JAM3: variants seen among roughly 807,000 people sequenced by gnomAD.
JAM3 encodes junctional adhesion molecule C.
A neutral mutation model predicts 39.4 loss-of-function variants in JAM3; 31 were observed. That is an observed-to-expected ratio of 0.79 (90% CI 0.59 to 1.06). The LOEUF is 1.06. Ranked by LOEUF, JAM3 falls within the 50% of genes least tolerant of loss-of-function variation. The pLI, the probability that JAM3 is intolerant of heterozygous loss-of-function variation, is 0.00. For synonymous variants in JAM3, 182 were observed against 148.7 expected, an observed-to-expected ratio of 1.22 and a Z score of -1.63; for missense variants, 455 against 391.4, an observed-to-expected ratio of 1.16 and a Z score of -1.37.
intron 8 of JAM3, 151 bp from the exon 9 acceptor site, chr11:134,148,995 C>G: frequency 1.0e-6 from 1 of 976,950 alleles, no homozygotes; most frequent in East Asian, 2.5e-5. Context: ...CACACACACA[C>G]TAATGGGATT....
intron 1 of JAM3, among the ~76,000 whole-genome samples, chr11:134,085,641 T>C (rs1941735812): frequency 6.6e-6 from 1 of 152,216 alleles, no homozygotes; most frequent in Admixed American, 6.5e-5. Context: ...AATCATATCA[T>C]TTGTTGTTGT....
Position 134,140,652 on chromosome 11 carries a change from G to C in JAM3, c.143-5G>C, listed in dbSNP as rs762090062. 99 of 1,610,664 alleles carry C rather than the reference G, an allele frequency of 6.1e-5. No individual in the cohort carries two copies. The highest frequency in any genetic ancestry group is 3.3e-4 in the Middle Eastern group (2 of 6,070). On this transcript the variant is annotated splice_region_variant and splice_polypyrimidine_tract_variant and intron_variant, in intron 2 of 8. Coordinates refer to ENST00000299106, the MANE Select transcript of JAM3 (RefSeq NM_032801.5). ...CGAGAGCTCTTTTTCTTCTTTGCGTGTTAGGTGTGGAACTGTCTTGCATCA... is the reference window on the plus strand; with the variant it reads ...CGAGAGCTCTTTTTCTTCTTTGCGTCTTAGGTGTGGAACTGTCTTGCATCA...
intron 1 of JAM3, among the ~76,000 whole-genome samples, chr11:134,136,114 G>T (rs922578074): frequency 2.2e-5 from 3 of 139,448 alleles, no homozygotes; most frequent in African/African-American, 8.7e-5. Flanking sequence ...CTCCCAGAGA[G>T]CTTAAGAGTA....
At position 134,149,427 on chromosome 11, in the gene JAM3, T is replaced by A. The variant is rs990722373; in HGVS notation, c.*246T>A. 31 of 605,956 alleles carry A rather than the reference T, an allele frequency of 5.1e-5. 1 individual carries two copies. In the East Asian group the frequency reaches 8.2e-4, roughly 16 times the overall value. The allele number at this position is 605,956 out of a possible 1,614,324, so 37.5% of individuals were successfully genotyped here. A position where few individuals can be genotyped will look rare whatever the true frequency, so the allele number is the denominator to read the frequency against. The stretch of plus-strand genomic sequence containing the variant: ...AGCGAAACTGGGTGCGTTCACTGAG[T>A]TGGGTTCCTAATCTGTTTCTGGCCT... On this transcript the variant is annotated 3_prime_UTR_variant, in exon 9 of 9. Transcript: ENST00000299106.
intron 1 of JAM3, among the ~76,000 whole-genome samples, chr11:134,070,926 A>G (rs1419630325): frequency 6.6e-6 from 1 of 152,190 alleles, no homozygotes; most frequent in African/African-American, 2.4e-5. Context: ...AACTAGTTCT[A>G]ATGACAAATA....
chr11:134,111,133 C>CTTTT lies in JAM3; in HGVS notation c.77-28693_77-28690dup, dbSNP rs71038561. 2.7e-3 allele frequency among the ~76,000 whole-genome samples: 237 copies of CTTTT among 86,770 alleles called. 40 individuals carry two copies. The highest frequency in any genetic ancestry group is 0.011 in the African/African-American group (191 of 18,140). 56.9% of individuals were successfully genotyped at this position (86,770 alleles called of 152,430 possible). A position where few individuals can be genotyped will look rare whatever the true frequency, so the allele number is the denominator to read the frequency against. On this transcript the variant is annotated intron_variant, in intron 1 of 8. Transcript: ENST00000299106. ...TGTACCATACCCAACACACATCCAT[C>CTTTT]TTTTTTTTTTTTTTTTTTTTTTTTT... is the stretch of plus-strand genomic sequence containing the variant.
In JAM3 at chr11:134,096,854, C is replaced by T. The variant is rs117710453; in HGVS notation, c.76+27695C>T. Among the ~76,000 whole-genome samples the T allele has an allele frequency of 9.7e-4, 147 of 152,268 alleles. 2 individuals carry two copies. In the East Asian group the frequency reaches 0.025, roughly 26 times the overall value. ...CTGTACCAGTTAATAAAGGACTCCT[C>T]AGTTTGTGCTTTCTCATAATTCACC... On this transcript the variant is annotated intron_variant, in intron 1 of 8. Transcript: ENST00000299106.
At chr11:134,142,945 C>T (rs574258166) in intron 3 of JAM3, among the ~76,000 whole-genome samples, 16 of 152,294 alleles carry the variant, frequency 1.1e-4, no homozygotes, top group African/African-American at 2.9e-4. Context: ...TTTCTTTTCA[C>T]GGCTGAATAA....
chr11:134,083,523 T>C (rs1381446546), intron 1 of JAM3, among the ~76,000 whole-genome samples: 2 of 152,236 alleles, frequency 1.3e-5, no homozygotes, highest in Non-Finnish European at 2.9e-5. Flanking sequence ...GTTTTTGTTT[T>C]GCTCTCTCCT....
intron 1 of JAM3, among the ~76,000 whole-genome samples, chr11:134,122,176 C>G (rs569458941): frequency 5.0e-4 from 76 of 152,204 alleles, no homozygotes; most frequent in African/African-American, 1.7e-3. Flanking sequence ...TTCACATAGC[C>G]GGCCAACATT....
At chr11:134,116,836 CATT>C (rs879015980) in intron 1 of JAM3, among the ~76,000 whole-genome samples, 77 of 152,138 alleles carry the variant, frequency 5.1e-4, no homozygotes, top group African/African-American at 1.8e-3. Flanking sequence ...TTAAAATAAA[CATT>C]AGTTTATAGT....
intron 8 of JAM3, 139 bp from the exon 9 acceptor site, chr11:134,149,007 G>T: frequency 1.9e-6 from 2 of 1,059,792 alleles, no homozygotes; most frequent in Non-Finnish European, 2.9e-6. Flanking sequence ...AATGGGATTT[G>T]TGCTTTGCAA....
At chr11:134,102,003 G>T (rs1355612594) in intron 1 of JAM3, among the ~76,000 whole-genome samples, 4 of 152,140 alleles carry the variant, frequency 2.6e-5, no homozygotes, top group African/African-American at 4.8e-5. Context: ...ACAGGGAGTT[G>T]TGATCATGCC....
intron 1 of JAM3, chr11:134,124,304 C>A (rs540414789): frequency 1.2e-6 from 1 of 835,302 alleles, no homozygotes; most frequent in Non-Finnish European, 2.1e-6. Flanking sequence ...CACAGGAAAT[C>A]TCCACAGGGG....
intron 1 of JAM3, among the ~76,000 whole-genome samples, chr11:134,076,435 T>G (rs1003557220): frequency 3.9e-5 from 6 of 152,156 alleles, no homozygotes; most frequent in African/African-American, 1.4e-4. Flanking sequence ...ATCACAGGTG[T>G]GAGCCACCGC....
Position 134,149,129 on chromosome 11 carries a change from G to C in JAM3, c.898-17G>C, listed in dbSNP as rs1403894736. The C allele has an allele frequency of 6.2e-7, 1 of 1,613,992 alleles. No individual in the cohort carries two copies. Among genetic ancestry groups the C allele is most frequent in the Admixed American group, 1.7e-5 (1 of 60,024 alleles). On this transcript the variant is annotated splice_polypyrimidine_tract_variant and intron_variant, in intron 8 of 8. Transcript: ENST00000299106. ...ACCAGGCCCCTTGATGGCTCTAACT[G>C]TGTGTTGGCTTTGCAGGGCGACTTC... is the stretch of plus-strand genomic sequence containing the variant.
Position 134,074,275 on chromosome 11 carries a change from C to T in JAM3, c.76+5116C>T, listed in dbSNP as rs2155087. Among the ~76,000 whole-genome samples, 1,104 of 152,146 alleles carry T rather than the reference C, an allele frequency of 7.3e-3. 8 individuals are homozygous for T. The highest frequency in any genetic ancestry group is 0.025 in the African/African-American group (1,037 of 41,492). On this transcript the variant is annotated intron_variant, in intron 1 of 8. Transcript: ENST00000299106. ...TGTTTTCCTGGTTGATTCTTGTATT[C>T]CTTTGTCTGTTTTCCAAATGTTCTT...
At chr11:134,116,261 A>G (rs1393415841) in intron 1 of JAM3, among the ~76,000 whole-genome samples, 2 of 152,162 alleles carry the variant, frequency 1.3e-5, no homozygotes, top group Non-Finnish European at 1.5e-5. Flanking sequence ...TTTTTCATGA[A>G]TATTGGCAGT....
chr11:134,083,288 C>T (rs1414823598), intron 1 of JAM3, among the ~76,000 whole-genome samples: 1 of 152,030 alleles, frequency 6.6e-6, no homozygotes, highest in African/African-American at 2.4e-5. Context: ...GCAGATCGCT[C>T]CCTCCCTTTC....
Sources: gnomAD v4.1 joint callset for allele counts (sites outside exome capture counted in the v4.1 genomes callset) on GRCh38, gnomAD v4.1.1 for gene constraint, MANE v1.5 for transcripts, NCBI Gene and HGNC (gene_info 2026-07-23, HGNC 2026-07-21) for gene names.